The following NLGN1 variants were observed in gnomAD, a reference collection of about 807,000 sequenced individuals.
NLGN1 encodes the protein neuroligin-1.
NLGN1 carries 12 observed loss-of-function variants against 65.5 expected under a neutral mutation model. That is an observed-to-expected ratio of 0.18 (90% CI 0.12 to 0.30). The LOEUF is 0.30. Among genes scored for constraint, NLGN1 ranks in the 10% least tolerant of loss-of-function variants. NLGN1 has a pLI of 1.00. For missense variants in NLGN1, 750 were observed against 1,007.1 expected, an observed-to-expected ratio of 0.74 and a Z score of 3.46; for synonymous variants, 350 against 359.5, an observed-to-expected ratio of 0.97 and a Z score of 0.30.
intron 2 of NLGN1, among the ~76,000 whole-genome samples, chr3:173,582,577 A>T (rs1257093487): frequency 6.6e-6 from 1 of 151,950 alleles, no homozygotes; most frequent in Non-Finnish European, 1.5e-5. Context: ...TCAGATGCTT[A>T]TTGGACATTG....
intron 4 of NLGN1, among the ~76,000 whole-genome samples, chr3:173,906,887 A>C (rs1479879909): frequency 1.3e-5 from 2 of 151,596 alleles, no homozygotes; most frequent in Non-Finnish European, 2.9e-5. Context: ...ACAAAAAAAA[A>C]AAAAAAAAAA....
chr3:173,511,141 A>G (rs1732884941), intron 2 of NLGN1, among the ~76,000 whole-genome samples: 1 of 152,178 alleles, frequency 6.6e-6, no homozygotes, highest in African/African-American at 2.4e-5. Context: ...TTGAAGAGAA[A>G]AAGCCCAGCT....
chr3:173,608,201 C>G (rs1486232061), intron 3 of NLGN1, among the ~76,000 whole-genome samples: 1 of 151,786 alleles, frequency 6.6e-6, no homozygotes, highest in African/African-American at 2.4e-5. Context: ...AAGAAAAAAG[C>G]TCATTTTTAT....
At chr3:173,738,794 A>G (rs1423420113) in intron 3 of NLGN1, among the ~76,000 whole-genome samples, 1 of 152,080 alleles carries the variant, frequency 6.6e-6, no homozygotes, top group African/African-American at 2.4e-5. Context: ...TGGAATTTTG[A>G]TTAAAATGTG....
intron 3 of NLGN1, among the ~76,000 whole-genome samples, chr3:173,632,845 T>TG (rs1298560643): frequency 4.0e-5 from 3 of 74,500 alleles, no homozygotes; most frequent in Non-Finnish European, 7.8e-5. Flanking sequence ...GTGTTTTTTT[T>TG]TTTGTTTTTT....
chr3:174,234,190 A>G (rs769748155), intron 4 of NLGN1, among the ~76,000 whole-genome samples: 2 of 152,126 alleles, frequency 1.3e-5, no homozygotes, highest in African/African-American at 4.8e-5. Context: ...TTTATTAAAA[A>G]GTTTTGGAGG....
At chr3:174,064,125 A>G (rs1009678357) in intron 4 of NLGN1, among the ~76,000 whole-genome samples, 2 of 152,106 alleles carry the variant, frequency 1.3e-5, no homozygotes, top group African/African-American at 2.4e-5. Context: ...CTGGGCAACA[A>G]GAGTGAAACT....
chr3:174,108,067 A>G (rs1246954603), intron 4 of NLGN1, among the ~76,000 whole-genome samples: 3 of 152,070 alleles, frequency 2.0e-5, no homozygotes, highest in Non-Finnish European at 4.4e-5. Context: ...TATGAAGTTT[A>G]CAGATTTTTC....
chr3:173,525,323 A>G (rs149796890), intron 2 of NLGN1, among the ~76,000 whole-genome samples: 15 of 151,202 alleles, frequency 9.9e-5, no homozygotes, highest in African/African-American at 3.2e-4. Context: ...CAGGATTTCT[A>G]TTTTTTTCTT....
intron 4 of NLGN1, among the ~76,000 whole-genome samples, chr3:174,069,076 A>G (rs905464703): frequency 6.6e-6 from 1 of 152,160 alleles, no homozygotes; most frequent in African/African-American, 2.4e-5. Context: ...GTCATATTAG[A>G]AGACAGGAAT....
chr3:174,214,551 T>C (rs1282351105), intron 4 of NLGN1, among the ~76,000 whole-genome samples: 1 of 152,184 alleles, frequency 6.6e-6, no homozygotes, highest in Admixed American at 6.5e-5. Flanking sequence ...TTTGGTGCCT[T>C]TTTTTGGTTA....
At chr3:174,101,493 C>CGTCT (rs1156708962) in intron 4 of NLGN1, among the ~76,000 whole-genome samples, 1 of 152,132 alleles carries the variant, frequency 6.6e-6, no homozygotes, top group Non-Finnish European at 1.5e-5. Context: ...GATCAGCTTA[C>CGTCT]GTCTGAACCC....
At chr3:174,291,101 A>T (rs943691885), downstream of NLGN1, among the ~76,000 whole-genome samples, 1 of 150,642 alleles carries the variant, frequency 6.6e-6, no homozygotes, top group African/African-American at 2.4e-5. Context: ...ACATAGAAAA[A>T]TTTTCAAAAA....
chr3:173,869,811 T>C (rs371348822), intron 4 of NLGN1, among the ~76,000 whole-genome samples: 182 of 152,360 alleles, frequency 1.2e-3, no homozygotes, highest in Non-Finnish European at 2.5e-3. Flanking sequence ...CTTTAATTCA[T>C]TGTCTCTTTG....
At chr3:173,727,834 T>C (rs769873066) in intron 3 of NLGN1, among the ~76,000 whole-genome samples, 6 of 152,140 alleles carry the variant, frequency 3.9e-5, no homozygotes, top group Non-Finnish European at 8.8e-5. Context: ...AATTTCCTCT[T>C]GCAATCAAAA....
chr3:174,165,883 A>G (rs1234466773), intron 4 of NLGN1, among the ~76,000 whole-genome samples: 3 of 151,988 alleles, frequency 2.0e-5, no homozygotes, highest in Admixed American at 1.3e-4. Context: ...TCAGAGCTCA[A>G]TATTGGTCTG....
intron 2 of NLGN1, among the ~76,000 whole-genome samples, chr3:173,483,467 A>T (rs1727638711): frequency 6.6e-6 from 1 of 152,086 alleles, no homozygotes; most frequent in East Asian, 1.9e-4. Context: ...TTATTCTACT[A>T]GTCCCACAAT....
In NLGN1 at chr3:174,038,598, G is replaced by A. The variant is rs558410519; in HGVS notation, c.646+230766G>A. Among the ~76,000 whole-genome samples, 3 of 152,236 alleles carry A rather than the reference G, an allele frequency of 2.0e-5. No homozygotes were observed. In the South Asian group the frequency reaches 6.2e-4, roughly 32 times the overall value. On this transcript the variant is annotated intron_variant, in intron 4 of 6. Transcript: ENST00000457714. Reference sequence around the variant, plus strand: ...TTCTTCTTTAAGGATTGTTCAGAATGTTCCTCCATGTGCTACATCTTATGG... The same window carrying A: ...TTCTTCTTTAAGGATTGTTCAGAATATTCCTCCATGTGCTACATCTTATGG...
chr3:173,618,570 G>A (rs939525937), intron 3 of NLGN1, among the ~76,000 whole-genome samples: 3 of 152,108 alleles, frequency 2.0e-5, no homozygotes, highest in African/African-American at 4.8e-5. Flanking sequence ...TGAAGGAAAC[G>A]AGAGAGTGAG....
Sources: gnomAD v4.1 joint callset for allele counts (sites outside exome capture counted in the v4.1 genomes callset) on GRCh38, gnomAD v4.1.1 for gene constraint, MANE v1.5 for transcripts, NCBI Gene and HGNC (gene_info 2026-07-23, HGNC 2026-07-21) for gene names.